Variants in PDE7A observed in about 807,000 individuals in gnomAD.
The protein encoded by PDE7A is high affinity 3',5'-cyclic-AMP phosphodiesterase 7A.
A neutral mutation model predicts 64.3 loss-of-function variants in PDE7A; 39 were observed. The ratio of observed to expected loss-of-function variants is 0.61; its 90% CI spans 0.47 to 0.79. The LOEUF is 0.79. Ranked by LOEUF, PDE7A falls within the 30% of genes least tolerant of loss-of-function variation. The probability of loss-of-function intolerance (pLI) is 0.00; values close to 1 mark genes in which losing one functional copy is unlikely to be tolerated. For missense variants in PDE7A, 470 were observed against 582.8 expected, an observed-to-expected ratio of 0.81 and a Z score of 1.99; for synonymous variants, 203 against 206.8, an observed-to-expected ratio of 0.98 and a Z score of 0.16.
intron 1 of PDE7A, among the ~76,000 whole-genome samples, chr8:65,803,230 TG>T (rs1396900648): frequency 6.6e-6 from 1 of 152,260 alleles, no homozygotes; most frequent in African/African-American, 2.4e-5. Context: ...TTCTTTAAAA[TG>T]ATTTCTGCCT....
chr8:65,789,061 T>A, intron 1 of PDE7A: 3 of 1,454,330 alleles, frequency 2.1e-6, no homozygotes, highest in Admixed American at 2.2e-5. Context: ...ACTGACTGCC[T>A]TGGACCTCAA....
chr8:65,737,663 C>G (rs1199278982), intron 6 of PDE7A, among the ~76,000 whole-genome samples: 2 of 152,062 alleles, frequency 1.3e-5, no homozygotes, highest in Non-Finnish European at 2.9e-5. Context: ...GGATTACAGG[C>G]ACATGCCTCC....
chr8:65,751,064 A>C (rs1807929708), intron 3 of PDE7A, among the ~76,000 whole-genome samples: 2 of 152,226 alleles, frequency 1.3e-5, no homozygotes, highest in African/African-American at 4.8e-5. Flanking sequence ...AAATTAAGAA[A>C]GGACATGGAG....
intron 9 of PDE7A, among the ~76,000 whole-genome samples, chr8:65,726,335 T>G (rs934633236): frequency 1.3e-5 from 2 of 152,104 alleles, no homozygotes; most frequent in African/African-American, 4.8e-5. Flanking sequence ...CATTTATTTT[T>G]TTTTCCTAAA....
At chr8:65,725,971 A>G (rs1425534450) in intron 9 of PDE7A, among the ~76,000 whole-genome samples, 1 of 152,230 alleles carries the variant, frequency 6.6e-6, no homozygotes, top group Non-Finnish European at 1.5e-5. Context: ...TCCAAATGGT[A>G]TCCGTGAATA....
At chr8:65,800,156 C>A (rs1042638798) in intron 1 of PDE7A, among the ~76,000 whole-genome samples, 1 of 151,286 alleles carries the variant, frequency 6.6e-6, no homozygotes, top group East Asian at 1.9e-4. Context: ...TTCAGAGGCT[C>A]GGACCCCCCA....
At chr8:65,754,919 C>T (rs1343212327) in intron 3 of PDE7A, among the ~76,000 whole-genome samples, 3 of 149,834 alleles carry the variant, frequency 2.0e-5, no homozygotes, top group Non-Finnish European at 4.4e-5. Context: ...GAGCCGAGAT[C>T]GCGCCACTGC....
At chr8:65,824,148 ACTT>A (rs1337963760) in intron 1 of PDE7A, among the ~76,000 whole-genome samples, 4 of 152,152 alleles carry the variant, frequency 2.6e-5, no homozygotes, top group African/African-American at 9.7e-5. Context: ...GCATCTGCTC[ACTT>A]CTTATCTCTA....
chr8:65,739,275 C>T (rs957169166), intron 6 of PDE7A, among the ~76,000 whole-genome samples: 5 of 152,188 alleles, frequency 3.3e-5, no homozygotes, highest in Non-Finnish European at 5.9e-5. Context: ...ATGCAGCCCA[C>T]CTGTTGCTGT....
chr8:65,739,624 T>C (rs757329827), intron 5 of PDE7A, 27 bp from the exon 6 acceptor site: 1 of 1,474,580 alleles, frequency 6.8e-7, no homozygotes, highest in South Asian at 1.5e-5. Context: ...GACATTACAT[T>C]AGTAGGAAAT....
At chr8:65,838,120 A>C (rs1810993706) in intron 1 of PDE7A, among the ~76,000 whole-genome samples, 1 of 152,220 alleles carries the variant, frequency 6.6e-6, no homozygotes, top group South Asian at 2.1e-4. Context: ...TAACCCATAT[A>C]AGATTTGCTT....
At chr8:65,826,683 T>G (rs1810683754) in intron 1 of PDE7A, among the ~76,000 whole-genome samples, 1 of 152,146 alleles carries the variant, frequency 6.6e-6, no homozygotes, top group East Asian at 1.9e-4. Flanking sequence ...ACAAATAAAT[T>G]TGAAATAATC....
chr8:65,753,413 T>C (rs1043605749), intron 3 of PDE7A, among the ~76,000 whole-genome samples: 5 of 152,176 alleles, frequency 3.3e-5, no homozygotes, highest in African/African-American at 1.2e-4. Context: ...TAAACCATAC[T>C]GGGCCCAGAG....
intron 1 of PDE7A, among the ~76,000 whole-genome samples, chr8:65,795,378 G>T (rs761735301): frequency 4.0e-4 from 61 of 152,346 alleles, no homozygotes; most frequent in Middle Eastern, 3.4e-3. Flanking sequence ...CCTGGAATTT[G>T]CAGGGCTGAA....
chr8:65,766,120 AT>A (rs1351181662), intron 3 of PDE7A, among the ~76,000 whole-genome samples: 1 of 151,944 alleles, frequency 6.6e-6, no homozygotes, highest in Non-Finnish European at 1.5e-5. Context: ...TAATTTTTGT[AT>A]TTTTAGTAGA....
At chr8:65,725,921 C>G (rs1472232195) in intron 9 of PDE7A, among the ~76,000 whole-genome samples, 1 of 152,046 alleles carries the variant, frequency 6.6e-6, no homozygotes, top group Non-Finnish European at 1.5e-5. Flanking sequence ...ATTTGTACTA[C>G]AGCAAAAAAT....
At chr8:65,759,287 A>G (rs1194137489) in intron 3 of PDE7A, among the ~76,000 whole-genome samples, 3 of 152,166 alleles carry the variant, frequency 2.0e-5, no homozygotes, top group Non-Finnish European at 2.9e-5. Context: ...GGACAGTACT[A>G]TCTCCTTAAA....
chr8:65,751,850 C>T (rs1180948760), intron 3 of PDE7A, among the ~76,000 whole-genome samples: 2 of 152,160 alleles, frequency 1.3e-5, no homozygotes, highest in Non-Finnish European at 2.9e-5. Flanking sequence ...ACTTATTTTA[C>T]ATAAATGGTA....
chr8:65,811,959 C>G (rs1020259842), intron 1 of PDE7A, among the ~76,000 whole-genome samples: 1 of 152,158 alleles, frequency 6.6e-6, no homozygotes, highest in Admixed American at 6.5e-5. Context: ...GTAATCCCAG[C>G]ACTTTGGGAG....
Sources: gnomAD v4.1 joint callset for allele counts (sites outside exome capture counted in the v4.1 genomes callset) on GRCh38, gnomAD v4.1.1 for gene constraint, MANE v1.5 for transcripts, NCBI Gene and HGNC (gene_info 2026-07-23, HGNC 2026-07-21) for gene names.